The following CCDC178 variants were observed in gnomAD, a reference collection of about 807,000 sequenced individuals.
CCDC178 encodes coiled-coil domain-containing protein 178.
CCDC178 carries 126 observed loss-of-function variants against 117.4 expected under a neutral mutation model. The observed-to-expected ratio is 1.07, with a 90% CI of 0.93 to 1.24. CCDC178 has a LOEUF of 1.24. CCDC178 is among the 50% of genes most tolerant of loss of function. The pLI is 0.00. For missense variants in CCDC178, 1,030 were observed against 986.9 expected (o/e 1.04, Z -0.59); for synonymous variants, 283 against 313.4 (o/e 0.90, Z 1.02).
At chr18:33,314,756 C>T (rs866697264) in intron 11 of CCDC178, among the ~76,000 whole-genome samples, 2 of 152,136 alleles carry the variant, frequency 1.3e-5, no homozygotes, top group Non-Finnish European at 2.9e-5. Context: ...CCTAAATATA[C>T]GAGCCCATAT....
chr18:33,402,299 C>A (rs189940070), intron 3 of CCDC178, among the ~76,000 whole-genome samples: 1 of 152,346 alleles, frequency 6.6e-6, no homozygotes, highest in Non-Finnish European at 1.5e-5. Context: ...CTTCCAGCAA[C>A]TGTGTGAACA....
intron 15 of CCDC178, among the ~76,000 whole-genome samples, chr18:33,238,330 G>A (rs1465313722): frequency 6.6e-6 from 1 of 151,900 alleles, no homozygotes; most frequent in African/African-American, 2.4e-5. Flanking sequence ...TAAAATGCCA[G>A]AAAAAGAATT....
intron 7 of CCDC178, among the ~76,000 whole-genome samples, chr18:33,349,697 C>T (rs1284655755): frequency 6.6e-6 from 1 of 151,738 alleles, no homozygotes; most frequent in Non-Finnish European, 1.5e-5. Context: ...AACAACAAAG[C>T]AGAGAATTTC....
intron 9 of CCDC178, 52 bp downstream of exon 9, chr18:33,346,159 T>C: frequency 7.4e-7 from 1 of 1,359,114 alleles, no homozygotes; most frequent in Non-Finnish European, 1.0e-6. Context: ...CTGTAATTAA[T>C]TATCTGTGCC....
intron 20 of CCDC178, among the ~76,000 whole-genome samples, chr18:33,146,157 C>G (rs1598929872): frequency 6.6e-6 from 1 of 152,160 alleles, no homozygotes; most frequent in African/African-American, 2.4e-5. Flanking sequence ...GTTGCAGTTT[C>G]AATCATGTGA....
chr18:33,041,773 G>T (rs2056554259), intron 21 of CCDC178, among the ~76,000 whole-genome samples: 1 of 151,620 alleles, frequency 6.6e-6, no homozygotes, highest in Admixed American at 6.6e-5. Flanking sequence ...TTGAAGAATT[G>T]ATTGGAAAGG....
chr18:33,176,536 G>A (rs1183192901), intron 20 of CCDC178, among the ~76,000 whole-genome samples: 1 of 151,964 alleles, frequency 6.6e-6, no homozygotes, highest in African/African-American at 2.4e-5. Context: ...CCACATTTAG[G>A]TTTTCACAGC....
chr18:33,149,850 A>G (rs78577298), intron 20 of CCDC178, among the ~76,000 whole-genome samples: 4,084 of 152,312 alleles, frequency 0.027, 104 homozygotes, highest in East Asian at 0.13. Flanking sequence ...ACAGTCAAAA[A>G]TATACACCCA....
At chr18:33,393,464 G>C (rs1288059373) in intron 4 of CCDC178, among the ~76,000 whole-genome samples, 1 of 152,014 alleles carries the variant, frequency 6.6e-6, no homozygotes, top group African/African-American at 2.4e-5. Context: ...TGACATTCAA[G>C]CTAGAAAAAA....
At chr18:33,144,926 T>C (rs2058250723) in intron 20 of CCDC178, among the ~76,000 whole-genome samples, 1 of 152,186 alleles carries the variant, frequency 6.6e-6, no homozygotes, top group Admixed American at 6.5e-5. Context: ...CTATGAAATT[T>C]CTTTCGAAGG....
At chr18:33,068,727 A>G (rs2057060484) in intron 21 of CCDC178, among the ~76,000 whole-genome samples, 1 of 152,194 alleles carries the variant, frequency 6.6e-6, no homozygotes. Context: ...TGCATGGGGA[A>G]AAGCTGAAAG....
intron 9 of CCDC178, among the ~76,000 whole-genome samples, chr18:33,333,801 C>T (rs540280950): frequency 7.0e-4 from 106 of 151,984 alleles, no homozygotes; most frequent in African/African-American, 2.1e-3. Context: ...CATGAGCCAC[C>T]GCACCCGGCC....
intron 20 of CCDC178, among the ~76,000 whole-genome samples, chr18:33,108,631 T>C (rs903727407): frequency 1.3e-5 from 2 of 151,770 alleles, no homozygotes; most frequent in Middle Eastern, 3.4e-3. Context: ...AGGTCTATTA[T>C]TATTAAATAA....
chr18:33,008,807 C>T (rs1213623310), intron 21 of CCDC178, among the ~76,000 whole-genome samples: 2 of 152,062 alleles, frequency 1.3e-5, no homozygotes, highest in Non-Finnish European at 2.9e-5. Flanking sequence ...TGATTGCCAA[C>T]ATTATCTATA....
chr18:33,050,288 G>A (rs1309355494), intron 21 of CCDC178, among the ~76,000 whole-genome samples: 2 of 152,028 alleles, frequency 1.3e-5, no homozygotes, highest in African/African-American at 4.8e-5. Context: ...AATTTGGGAG[G>A]TCAAATGGCA....
In CCDC178 at chr18:33,132,884, G is replaced by A. The variant is rs560021837; in HGVS notation, c.2239-39974C>T. ...TGATGTAATAATACAGCAGAATTAAGAAAGAAAACTTTGCAACAGATTTCG... is the reference window on the plus strand; with the variant it reads ...TGATGTAATAATACAGCAGAATTAAAAAAGAAAACTTTGCAACAGATTTCG... On this transcript the variant is annotated intron_variant, in intron 20 of 22. Transcript: ENST00000383096. Among the ~76,000 whole-genome samples the A allele has an allele frequency of 4.6e-5, 7 of 151,802 alleles. No homozygotes were observed. In the South Asian group the frequency reaches 1.5e-3, roughly 31 times the overall value.
chr18:33,003,534 C>A (rs1052543697), intron 21 of CCDC178, among the ~76,000 whole-genome samples: 2 of 151,940 alleles, frequency 1.3e-5, no homozygotes, highest in East Asian at 1.9e-4. Context: ...AGGAACATAC[C>A]TCAATATAAT....
chr18:33,380,691 C>T (rs1323925574), intron 5 of CCDC178, among the ~76,000 whole-genome samples: 1 of 152,132 alleles, frequency 6.6e-6, no homozygotes, highest in African/African-American at 2.4e-5. Flanking sequence ...CATTCTCTTC[C>T]CTGGGAATTG....
rs373863286 is a variant in CCDC178, at chr18:33,346,324, G to A, written c.545C>T (p.Ala182Val). ...RLIKSLETDR[A>V]DAEEALKQQR... ...TTGTTTTAAAGCTTCTTCAGCGTCT[G>A]CCCGGTCAGTTTCTAGACTTTTAAT... Residue 182 changes from alanine to valine, a missense_variant, in exon 9 of 23, where the codon GCA (alanine) becomes GTA (valine). By Grantham distance (64) the Ala-to-Val change is moderately conservative. Transcript: ENST00000383096. The A allele has an allele frequency of 3.1e-6, 5 of 1,612,920 alleles. No homozygotes were observed. The African/African-American group carries it at 5.3e-5, about 17-fold the overall frequency.
Sources: gnomAD v4.1 joint callset for allele counts (sites outside exome capture counted in the v4.1 genomes callset) on GRCh38, gnomAD v4.1.1 for gene constraint, MANE v1.5 for transcripts, NCBI Gene and HGNC (gene_info 2026-07-23, HGNC 2026-07-21) for gene names.